SIK3: variants seen among roughly 807,000 people sequenced by gnomAD.
SIK3 encodes SIK family kinase 3.
A neutral mutation model predicts 144.2 loss-of-function variants in SIK3; 28 were observed. The observed-to-expected ratio is 0.19, with a 90% CI of 0.14 to 0.27. The LOEUF is 0.27. SIK3 is among the 10% of genes least tolerant of loss of function. The pLI, the probability that SIK3 is intolerant of heterozygous loss-of-function variation, is 1.00. For missense variants in SIK3, 1,319 were observed against 1,776.0 expected, an observed-to-expected ratio of 0.74 and a Z score of 4.62; for synonymous variants, 686 against 676.3, an observed-to-expected ratio of 1.01 and a Z score of -0.22.
chr11:117,022,285 CATTAAA>C (rs1951813197), intron 1 of SIK3, among the ~76,000 whole-genome samples: 2 of 130,970 alleles, frequency 1.5e-5, no homozygotes. Flanking sequence ...CATCAAATCT[CATTAAA>C]CTGTATATTT....
chr11:117,084,430 T>C (rs1414401262), intron 1 of SIK3, among the ~76,000 whole-genome samples: 1 of 152,070 alleles, frequency 6.6e-6, no homozygotes, highest in Non-Finnish European at 1.5e-5. Flanking sequence ...CACACCCAGC[T>C]AATTTTTGTA....
In SIK3 at chr11:116,873,653, G is replaced by C. The variant is rs1191918902; in HGVS notation, c.1582-17C>G. The C allele has an allele frequency of 9.1e-6, 14 of 1,532,872 alleles. No individual in the cohort carries two copies. Among genetic ancestry groups the C allele is most frequent in the Non-Finnish European group, 1.2e-5 (14 of 1,144,786 alleles). 95.0% of individuals were successfully genotyped at this position (1,532,872 alleles called of 1,614,324 possible). On this transcript the variant is annotated splice_polypyrimidine_tract_variant and intron_variant, in intron 12 of 24. Coordinates refer to ENST00000445177, the MANE Select transcript of SIK3 (RefSeq NM_001366686.3). ...AGACTGCTCCTGCCAGGAACAGAGT[G>C]GGGAGGACGGACCATGAGATGAGGG...
intron 21 of SIK3, among the ~76,000 whole-genome samples, chr11:116,850,683 A>T (rs925045042): frequency 2.0e-5 from 3 of 152,222 alleles, no homozygotes; most frequent in Non-Finnish European, 2.9e-5. Flanking sequence ...GTTCTAGAAC[A>T]TTGTCCTATA....
intron 1 of SIK3, among the ~76,000 whole-genome samples, chr11:117,087,957 T>A (rs1388951184): frequency 6.6e-6 from 1 of 152,174 alleles, no homozygotes; most frequent in Non-Finnish European, 1.5e-5. Context: ...TGGCCAGGCG[T>A]GATGGCTCAC....
chr11:116,936,484 C>T (rs1434262877), intron 3 of SIK3, among the ~76,000 whole-genome samples: 3 of 152,154 alleles, frequency 2.0e-5, no homozygotes, highest in Admixed American at 6.5e-5. Context: ...CCTGAACTAA[C>T]GTTCTCTTTA....
At chr11:116,887,628 CAAG>C (rs1056461770) in intron 6 of SIK3, among the ~76,000 whole-genome samples, 14 of 143,586 alleles carry the variant, frequency 9.8e-5, no homozygotes, top group Admixed American at 8.9e-4. Flanking sequence ...AAAAAAAAAA[CAAG>C]AGTCTGATAT....
At chr11:117,061,893 CAT>C (rs1461927329) in intron 1 of SIK3, among the ~76,000 whole-genome samples, 2 of 151,856 alleles carry the variant, frequency 1.3e-5, no homozygotes, top group Admixed American at 6.6e-5. Context: ...AATTTTGAAA[CAT>C]ATTCTAAAGA....
At chr11:116,976,325 T>C (rs1472027509) in intron 1 of SIK3, among the ~76,000 whole-genome samples, 2 of 152,248 alleles carry the variant, frequency 1.3e-5, no homozygotes, top group Admixed American at 6.5e-5. Context: ...CTTCTCTTCA[T>C]AAATGTGAGA....
At chr11:117,008,470 A>AGAAAAGG (rs1211368221) in intron 1 of SIK3, among the ~76,000 whole-genome samples, 1 of 152,196 alleles carries the variant, frequency 6.6e-6, no homozygotes, top group African/African-American at 2.4e-5. Flanking sequence ...AAGGCAAAAG[A>AGAAAAGG]GAAAAGTCAA....
intron 3 of SIK3, among the ~76,000 whole-genome samples, chr11:116,953,750 G>A (rs1336237497): frequency 6.6e-6 from 1 of 152,226 alleles, no homozygotes; most frequent in Non-Finnish European, 1.5e-5. Flanking sequence ...CTGCAAACAG[G>A]AAAGACCCTA....
intron 15 of SIK3, among the ~76,000 whole-genome samples, chr11:116,866,577 G>A (rs1158052935): frequency 6.6e-6 from 1 of 151,970 alleles, no homozygotes. Context: ...GAGTAGCTGG[G>A]ACTACAGACG....
At chr11:117,044,549 G>C (rs1426120468) in intron 1 of SIK3, among the ~76,000 whole-genome samples, 1 of 151,626 alleles carries the variant, frequency 6.6e-6, no homozygotes. Flanking sequence ...TTCCCTCCTC[G>C]GCTTTAAATA....
chr11:117,048,431 C>T (rs1212708952), intron 1 of SIK3, among the ~76,000 whole-genome samples: 1 of 151,556 alleles, frequency 6.6e-6, no homozygotes, highest in African/African-American at 2.4e-5. Flanking sequence ...CCGAGGTGGG[C>T]CGATCACCTG....
In SIK3 at chr11:117,092,489, A is replaced by G. The variant is rs75340828; in HGVS notation, c.273+5654T>C. Among the ~76,000 whole-genome samples, 1,305 of 151,964 alleles carry G rather than the reference A, an allele frequency of 8.6e-3. 14 individuals are homozygous for G. The highest frequency in any genetic ancestry group is 0.025 in the South Asian group (121 of 4,792). On this transcript the variant is annotated intron_variant, in intron 1 of 24. Transcript: ENST00000445177. Reference sequence around the variant, plus strand: ...CCCCCAGGGATTCTCTAGTCCGTTTATTTTCTTCCTGGTATTCATTCCTAT... The same window carrying G: ...CCCCCAGGGATTCTCTAGTCCGTTTGTTTTCTTCCTGGTATTCATTCCTAT...
At chr11:117,042,896 C>T (rs1952808856) in intron 1 of SIK3, among the ~76,000 whole-genome samples, 1 of 152,144 alleles carries the variant, frequency 6.6e-6, no homozygotes, top group Admixed American at 6.5e-5. Flanking sequence ...ACTGTTGGTG[C>T]AATTATGCAG....
intron 1 of SIK3, among the ~76,000 whole-genome samples, chr11:116,978,344 T>C (rs1950025392): frequency 6.6e-6 from 1 of 152,206 alleles, no homozygotes; most frequent in Non-Finnish European, 1.5e-5. Flanking sequence ...CCATAGTTCC[T>C]ACGTACTCTT....
In SIK3 at chr11:116,849,075, G is replaced by A. The variant is rs1942220189; in HGVS notation, c.3819+45C>T. On this transcript the variant is annotated intron_variant, in intron 22 of 24. Coordinates refer to ENST00000445177, the MANE Select transcript of SIK3 (RefSeq NM_001366686.3). This position sits in a 1 kb window ranked among gnomAD's most constrained non-coding sequence, Gnocchi z 4.2. ...ATCACTATACTCTGTTTCAAGGCTG[G>A]GACTGGGAGGATCCACCTCTGTGCA... 1.9e-6 allele frequency: 3 copies of A among 1,540,760 alleles called. No individual in the cohort carries two copies. The highest frequency in any genetic ancestry group is 1.4e-5 in the African/African-American group (1 of 73,114).
intron 1 of SIK3, among the ~76,000 whole-genome samples, chr11:117,016,455 C>T (rs932772293): frequency 8.0e-5 from 8 of 100,568 alleles, no homozygotes; most frequent in African/African-American, 2.4e-4. Context: ...AATCCCATGA[C>T]CTATCTATTT....
At chr11:117,052,568 T>C (rs1953308400) in intron 1 of SIK3, among the ~76,000 whole-genome samples, 1 of 152,190 alleles carries the variant, frequency 6.6e-6, no homozygotes, top group Non-Finnish European at 1.5e-5. Context: ...TTCAGCAGGT[T>C]TATAAGAAGA....
Sources: gnomAD v4.1 joint callset for allele counts (sites outside exome capture counted in the v4.1 genomes callset) on GRCh38, gnomAD v4.1.1 for gene constraint, Gnocchi (gnomAD v3.1) non-coding constraint, MANE v1.5 for transcripts, NCBI Gene and HGNC (gene_info 2026-07-23, HGNC 2026-07-21) for gene names.